Variants in CFAP221 observed in about 807,000 individuals in gnomAD.
CFAP221 encodes cilia and flagella associated protein 221, also known as cilia- and flagella-associated protein 221.
A neutral mutation model predicts 113.1 loss-of-function variants in CFAP221; 97 were observed. The ratio of observed to expected loss-of-function variants is 0.86; its 90% CI spans 0.73 to 1.02. The LOEUF is 1.02. CFAP221 is among the 50% of genes least tolerant of loss of function. The pLI is 0.00. For missense variants in CFAP221, 1,025 were observed against 1,013.4 expected, an observed-to-expected ratio of 1.01 and a Z score of -0.16; for synonymous variants, 331 against 354.4, an observed-to-expected ratio of 0.93 and a Z score of 0.74.
intron 7 of CFAP221, among the ~76,000 whole-genome samples, chr2:119,597,531 G>C (rs574357246): frequency 1.6e-4 from 24 of 152,290 alleles, no homozygotes; most frequent in African/African-American, 5.8e-4. Context: ...CCTAAATCTT[G>C]GAATATTAAA....
chr2:119,642,423 T>A (rs1239358810), intron 21 of CFAP221, among the ~76,000 whole-genome samples: 3 of 152,028 alleles, frequency 2.0e-5, no homozygotes, highest in Non-Finnish European at 2.9e-5. Flanking sequence ...AAGTCCGAGA[T>A]CAAGGTGCCA....
intron 6 of CFAP221, among the ~76,000 whole-genome samples, chr2:119,566,139 A>G (rs1248514134): frequency 2.0e-5 from 3 of 152,158 alleles, no homozygotes; most frequent in Non-Finnish European, 4.4e-5. Flanking sequence ...CACCACTTCC[A>G]GGAGGAGGAC....
At chr2:119,612,863 A>G (rs1054146430) in intron 13 of CFAP221, among the ~76,000 whole-genome samples, 4 of 152,206 alleles carry the variant, frequency 2.6e-5, no homozygotes, top group African/African-American at 9.6e-5. Flanking sequence ...CATTAACTCA[A>G]AAGTCTCAGT....
At chr2:119,638,743 CCT>C (rs1364592890) in intron 20 of CFAP221, among the ~76,000 whole-genome samples, 2 of 152,286 alleles carry the variant, frequency 1.3e-5, no homozygotes, top group African/African-American at 4.8e-5. Context: ...GGTCTGACCT[CCT>C]CTCTCTTTGG....
intron 12 of CFAP221, among the ~76,000 whole-genome samples, chr2:119,610,785 A>G (rs911310430): frequency 3.9e-5 from 6 of 152,172 alleles, no homozygotes; most frequent in African/African-American, 1.4e-4. Context: ...TAAACAGTAT[A>G]CTTAAGAGCC....
chr2:119,634,892 C>T (rs965910065), intron 19 of CFAP221, among the ~76,000 whole-genome samples: 4 of 152,222 alleles, frequency 2.6e-5, no homozygotes, highest in South Asian at 2.1e-4. Context: ...TCACAATCTG[C>T]GGTACAACAT....
chr2:119,549,606 G>C (rs913852675), intron 3 of CFAP221, among the ~76,000 whole-genome samples: 2 of 152,206 alleles, frequency 1.3e-5, no homozygotes, highest in African/African-American at 4.8e-5. Context: ...GCAGAATTTG[G>C]CTCCTGGGCT....
At chr2:119,570,273 GTCTTTTCAT>G (rs1681948682) in intron 6 of CFAP221, among the ~76,000 whole-genome samples, 1 of 152,194 alleles carries the variant, frequency 6.6e-6, no homozygotes, top group South Asian at 2.1e-4. Flanking sequence ...CTGGAGCTAA[GTCTTTTCAT>G]TCTCCCATGT....
chr2:119,569,404 C>T (rs1681883916), intron 6 of CFAP221, among the ~76,000 whole-genome samples: 1 of 145,052 alleles, frequency 6.9e-6, no homozygotes, highest in Non-Finnish European at 1.5e-5. Context: ...AGATGTGAGC[C>T]ACCGCACCGG....
chr2:119,625,798 A>G, intron 15 of CFAP221, 110 bp downstream of exon 15: 1 of 841,136 alleles, frequency 1.2e-6, no homozygotes, highest in Non-Finnish European at 1.9e-6. Context: ...TTCACCAGTC[A>G]CAAATGTTAG....
intron 7 of CFAP221, among the ~76,000 whole-genome samples, chr2:119,599,217 GAT>G (rs1395740968): frequency 6.6e-6 from 1 of 152,164 alleles, no homozygotes; most frequent in Admixed American, 6.5e-5. Context: ...GATCCAGGAA[GAT>G]ATAAAAGGTA....
At chr2:119,556,492 G>T (rs768969104) in intron 3 of CFAP221, among the ~76,000 whole-genome samples, 4 of 151,354 alleles carry the variant, frequency 2.6e-5, no homozygotes, top group Non-Finnish European at 5.9e-5. Flanking sequence ...ATCACAAATT[G>T]GATCTATGTT....
At chr2:119,586,711 G>C (rs534361168) in intron 6 of CFAP221, 2 of 154,760 alleles carry the variant, frequency 1.3e-5, no homozygotes, top group African/African-American at 4.8e-5. Flanking sequence ...GCCGAGCTCT[G>C]TGGTAGAGAC....
intron 14 of CFAP221, among the ~76,000 whole-genome samples, chr2:119,616,766 C>A (rs1685555672): frequency 6.6e-6 from 1 of 152,224 alleles, no homozygotes; most frequent in Non-Finnish European, 1.5e-5. Context: ...CTCCATGGGA[C>A]TGCACCTGTC....
Position 119,571,955 on chromosome 2 carries a change from T to TTGCCCCTTACTTTGGGGC in CFAP221, c.527+9863_527+9880dup, listed in dbSNP as rs11271651. On this transcript the variant is annotated intron_variant, in intron 6 of 23. Coordinates refer to ENST00000413369, the MANE Select transcript of CFAP221 (RefSeq NM_001271049.2). The stretch of plus-strand genomic sequence containing the variant: ...CTAATTCTGCTTTCTTACTTTGGGG[T>TTGCCCCTTACTTTGGGGC]TGCCCCTTACTTTGGGGCTGCCCCT... 1.1e-4 allele frequency among the ~76,000 whole-genome samples: 16 copies of TTGCCCCTTACTTTGGGGC among 151,882 alleles called. No homozygotes were observed. In the East Asian group the frequency reaches 1.3e-3, roughly 13 times the overall value.
chr2:119,643,748 T>C (rs1574222722), intron 21 of CFAP221, among the ~76,000 whole-genome samples: 1 of 152,020 alleles, frequency 6.6e-6, no homozygotes, highest in Non-Finnish European at 1.5e-5. Flanking sequence ...TTTCACTATG[T>C]TGGCCAGGTT....
chr2:119,625,586 A>G lies in CFAP221; in HGVS notation c.1414A>G (p.Met472Val), dbSNP rs373487491. 3.1e-6 allele frequency: 5 copies of G among 1,609,616 alleles called. No homozygotes were observed. The highest frequency in any genetic ancestry group is 4.3e-6 in the Non-Finnish European group (5 of 1,176,124). ...TCATTATCCACTCCAATTTCAGGTC[A>G]TGATTCAGGGACGATTATTCAATAT... The part of the protein sequence containing the change: ...KRFQQVARKV[M>V]IQGRLFNMLS... Residue 472 changes from methionine (M) to valine (V), a missense_variant, in exon 15 of 24, where the codon ATG becomes GTG. By Grantham distance (21) the Met-to-Val change is conservative. Transcript: ENST00000413369.
intron 14 of CFAP221, among the ~76,000 whole-genome samples, chr2:119,619,375 G>T (rs1574149880): frequency 6.6e-6 from 1 of 152,320 alleles, no homozygotes; most frequent in East Asian, 1.9e-4. Context: ...CTGGGATGAA[G>T]CTTCCAGAGG....
chr2:119,552,994 C>T (rs928309718), intron 3 of CFAP221, among the ~76,000 whole-genome samples: 3 of 152,168 alleles, frequency 2.0e-5, no homozygotes, highest in Non-Finnish European at 2.9e-5. Flanking sequence ...TGAGAGTCCC[C>T]ATTACATGCC....
Sources: gnomAD v4.1 joint callset for allele counts (sites outside exome capture counted in the v4.1 genomes callset) on GRCh38, gnomAD v4.1.1 for gene constraint, MANE v1.5 for transcripts, NCBI Gene and HGNC (gene_info 2026-07-23, HGNC 2026-07-21) for gene names.